MACROD2: variants seen among roughly 807,000 people sequenced by gnomAD.
The protein encoded by MACROD2 is ADP-ribose glycohydrolase MACROD2.
In MACROD2, 36 loss-of-function variants were observed where a neutral mutation model predicts 70.4. The observed-to-expected ratio is 0.51, with a 90% confidence interval of 0.39 to 0.68. The LOEUF is 0.68. Ranked by LOEUF, MACROD2 falls within the 30% of genes least tolerant of loss-of-function variation. The probability of loss-of-function intolerance (pLI) is 0.00; values close to 1 mark genes in which losing one functional copy is unlikely to be tolerated. For synonymous variants in MACROD2, 172 were observed against 178.8 expected (o/e 0.96, Z 0.30); for missense variants, 496 against 538.4 (o/e 0.92, Z 0.78).
intron 5 of MACROD2, among the ~76,000 whole-genome samples, chr20:14,859,436 C>T (rs918902465): frequency 2.0e-5 from 3 of 152,086 alleles, no homozygotes; most frequent in Admixed American, 6.5e-5. Context: ...TGCATGTGTG[C>T]TTCATAAATG....
Position 14,439,202 on chromosome 20 carries a change from T to G in MACROD2, c.272-54277T>G, listed in dbSNP as rs986837588. 3.3e-5 allele frequency among the ~76,000 whole-genome samples: 5 copies of G among 152,322 alleles called. 1 individual carries two copies. In the South Asian group the frequency reaches 8.3e-4, roughly 25 times the overall value. On this transcript the variant is annotated intron_variant, in intron 3 of 17. Transcript: ENST00000684519. ...CCAGTTGGTGATCTTGTCAAAAATTTGTTGACTGTGTAAGTTCGGGTTTAC... is the reference window on the plus strand; with the variant it reads ...CCAGTTGGTGATCTTGTCAAAAATTGGTTGACTGTGTAAGTTCGGGTTTAC...
At chr20:15,365,024 A>G (rs1283495087) in intron 6 of MACROD2, among the ~76,000 whole-genome samples, 1 of 152,250 alleles carries the variant, frequency 6.6e-6, no homozygotes, top group Non-Finnish European at 1.5e-5. Context: ...AAGAACTTCA[A>G]CAGTGCATTT....
chr20:14,152,475 G>A (rs980593323), intron 3 of MACROD2, among the ~76,000 whole-genome samples: 3 of 148,860 alleles, frequency 2.0e-5, no homozygotes, highest in African/African-American at 7.5e-5. Context: ...TGCCCAGGCT[G>A]GAGTGCAGTG....
At chr20:14,901,360 T>C (rs986014853) in intron 5 of MACROD2, among the ~76,000 whole-genome samples, 1 of 152,094 alleles carries the variant, frequency 6.6e-6, no homozygotes, top group Non-Finnish European at 1.5e-5. Flanking sequence ...GGGAACTTAA[T>C]GACATTGTCT....
At chr20:15,511,286 G>T (rs1485814375) in intron 8 of MACROD2, among the ~76,000 whole-genome samples, 1 of 152,178 alleles carries the variant, frequency 6.6e-6, no homozygotes, top group Non-Finnish European at 1.5e-5. Context: ...ACTGAAATAA[G>T]ACATATGAAT....
intron 3 of MACROD2, among the ~76,000 whole-genome samples, chr20:14,203,254 A>G (rs887316207): frequency 3.4e-5 from 5 of 147,884 alleles, no homozygotes; most frequent in African/African-American, 7.4e-5. Flanking sequence ...TTAAACATCT[A>G]TCTCTTTATT....
chr20:16,042,016 A>G (rs1454422054), intron 16 of MACROD2, among the ~76,000 whole-genome samples: 8 of 152,020 alleles, frequency 5.3e-5, no homozygotes, highest in East Asian at 1.9e-4. Context: ...TCATTTAAGT[A>G]TCTTGCCATT....
At chr20:15,878,275 A>G (rs2064703727) in intron 9 of MACROD2, among the ~76,000 whole-genome samples, 1 of 152,152 alleles carries the variant, frequency 6.6e-6, no homozygotes, top group Non-Finnish European at 1.5e-5. Flanking sequence ...AGACATCACA[A>G]GTTAGTTCAG....
At chr20:15,641,420 G>T (rs753342312) in intron 8 of MACROD2, among the ~76,000 whole-genome samples, 14 of 152,172 alleles carry the variant, frequency 9.2e-5, no homozygotes, top group Non-Finnish European at 1.6e-4. Context: ...ATTGGTAAAA[G>T]ATTCATGCCT....
chr20:15,681,864 C>T (rs1190265141), intron 8 of MACROD2, among the ~76,000 whole-genome samples: 1 of 152,128 alleles, frequency 6.6e-6, no homozygotes, highest in African/African-American at 2.4e-5. Flanking sequence ...TACTAGAGAT[C>T]GTAGAGTGGC....
At chr20:15,513,487 T>C (rs2047527041) in intron 8 of MACROD2, among the ~76,000 whole-genome samples, 1 of 152,128 alleles carries the variant, frequency 6.6e-6, no homozygotes, top group Non-Finnish European at 1.5e-5. Context: ...TTAAAAGCTG[T>C]TGGTTTACCC....
chr20:15,345,847 C>T (rs1413156707), intron 6 of MACROD2, among the ~76,000 whole-genome samples: 2 of 152,082 alleles, frequency 1.3e-5, no homozygotes, highest in African/African-American at 2.4e-5. Context: ...GTGCAATGGA[C>T]CATTCTGGTT....
At chr20:15,828,226 T>C (rs1449700793) in intron 8 of MACROD2, among the ~76,000 whole-genome samples, 3 of 152,206 alleles carry the variant, frequency 2.0e-5, no homozygotes, top group Admixed American at 6.5e-5. Context: ...AACATCACAT[T>C]GTATACCATA....
At chr20:14,685,542 A>G (rs938862041) in intron 5 of MACROD2, among the ~76,000 whole-genome samples, 1 of 152,256 alleles carries the variant, frequency 6.6e-6, no homozygotes, top group African/African-American at 2.4e-5. Flanking sequence ...ATTTTAATAG[A>G]GAGAAGTATT....
intron 5 of MACROD2, among the ~76,000 whole-genome samples, chr20:14,695,681 T>C (rs566874372): frequency 9.8e-5 from 15 of 152,304 alleles, no homozygotes; most frequent in Admixed American, 3.9e-4. Context: ...GTGAGTGCGC[T>C]TGCAAGCAGA....
chr20:14,347,323 G>C (rs1289282093), intron 3 of MACROD2, among the ~76,000 whole-genome samples: 1 of 152,132 alleles, frequency 6.6e-6, no homozygotes, highest in Non-Finnish European at 1.5e-5. Context: ...ACCCATCCTT[G>C]TAGTGCGTTT....
At chr20:15,298,817 A>C (rs2077615231) in intron 6 of MACROD2, among the ~76,000 whole-genome samples, 1 of 152,052 alleles carries the variant, frequency 6.6e-6, no homozygotes. Flanking sequence ...TATGTTTTGC[A>C]CTCTTCACAT....
chr20:14,113,162 G>A (rs1420120601), intron 3 of MACROD2, among the ~76,000 whole-genome samples: 1 of 151,950 alleles, frequency 6.6e-6, no homozygotes, highest in Non-Finnish European at 1.5e-5. Flanking sequence ...AGCACCCCAT[G>A]TTTGGTTTAC....
chr20:15,853,907 G>A lies in MACROD2; in HGVS notation c.646-8838G>A, dbSNP rs939358241. Among the ~76,000 whole-genome samples, 3 of 152,172 alleles carry A rather than the reference G, an allele frequency of 2.0e-5. No homozygotes were observed. In the South Asian group the frequency reaches 6.2e-4, roughly 32 times the overall value. ...TCTCCATTTTAGAGATGAGCAGACT[G>A]AGGCTTACAAAACTTAAGTAACTTG... On this transcript the variant is annotated intron_variant, in intron 8 of 17. Transcript: ENST00000684519.
Sources: gnomAD v4.1 joint callset for allele counts (sites outside exome capture counted in the v4.1 genomes callset) on GRCh38, gnomAD v4.1.1 for gene constraint, MANE v1.5 for transcripts, NCBI Gene and HGNC (gene_info 2026-07-23, HGNC 2026-07-21) for gene names.